The following LSM10 variants were observed in gnomAD, a reference collection of about 807,000 sequenced individuals.
LSM10 encodes U7 snRNA-associated Sm-like protein LSm10.
A neutral mutation model predicts 5.2 loss-of-function variants in LSM10; 4 were observed. That is an observed-to-expected ratio of 0.77 (90% CI 0.38 to 1.77). The LOEUF (loss-of-function observed/expected upper bound fraction) is 1.77. Among genes scored for constraint, LSM10 ranks in the 40% most tolerant of loss-of-function variants. The pLI, the probability that LSM10 is intolerant of heterozygous loss-of-function variation, is 0.04. For missense variants in LSM10, 150 were observed against 171.6 expected (o/e 0.87, Z 0.70); for synonymous variants, 63 against 67.4 (o/e 0.94, Z 0.32).
At position 36,393,454 on chromosome 1, in the gene LSM10, A is replaced by G. The variant is rs1388090367; in HGVS notation, c.*304T>C. 1 of 418,190 alleles carries G rather than the reference A, an allele frequency of 2.4e-6. No individual in the cohort carries two copies. The highest frequency in any genetic ancestry group is 2.0e-5 in the African/African-American group (1 of 50,258). The allele number at this position is 418,190 out of a possible 1,614,324, so 25.9% of individuals were successfully genotyped here. A position where few individuals can be genotyped will look rare whatever the true frequency, so the allele number is the denominator to read the frequency against. On this transcript the variant is annotated 3_prime_UTR_variant, in exon 2 of 2. Coordinates refer to ENST00000315732, the MANE Select transcript of LSM10 (RefSeq NM_032881.3). Reference sequence around the variant, plus strand: ...AGGTGGCTCAGGCTGAGCATGTTTAATTATCCTCACTGGGAGAGTTGAAAA... The same window carrying G: ...AGGTGGCTCAGGCTGAGCATGTTTAGTTATCCTCACTGGGAGAGTTGAAAA...
At position 36,393,828 on chromosome 1, in the gene LSM10, A is replaced by G; in HGVS notation, c.302T>C (p.Ile101Thr). The change falls in exon 2 of 2, where the codon ATC becomes ACC. Residue 101 changes from isoleucine to threonine, a missense_variant. Ile to Thr is a moderately conservative substitution (Grantham distance 89). Transcript: ENST00000315732. ...TSTIEQQLQI[I>T]HRVRNFGGKG... is the part of the protein sequence containing the mutation. The stretch of plus-strand genomic sequence containing the variant: ...GCCACCAAAGTTTCGCACCCGATGG[A>G]TAATCTGCAGCTGCTGCTCAATGGT... 6.2e-7 allele frequency: 1 copy of G among 1,614,216 alleles called. No individual in the cohort carries two copies. Among genetic ancestry groups the G allele is most frequent in the Non-Finnish European group, 8.5e-7 (1 of 1,180,034 alleles).
Position 36,393,962 on chromosome 1 carries a change from T to C in LSM10, c.168A>G (p.Lys56=). The C allele has an allele frequency of 6.2e-7, 1 of 1,614,214 alleles. No homozygotes were observed. The highest frequency in any genetic ancestry group is 8.5e-7 in the Non-Finnish European group (1 of 1,180,038). Residue 56 remains lysine (K), a synonymous_variant, in exon 2 of 2, where the codon AAA becomes AAG. Transcript: ENST00000315732. ...GCCCCCAACGGTCCGTGTAGGTGAC[T>C]TTGGCCAGGCGGATGTTCATGAAAG... ...VDAFMNIRLA[K]VTYTDRWGHQ... is the part of the protein sequence containing the mutation.
intron 1 of LSM10, among the ~76,000 whole-genome samples, chr1:36,394,684 G>A (rs974903673): frequency 5.9e-5 from 9 of 151,942 alleles, no homozygotes; most frequent in Admixed American, 1.3e-4. Context: ...GACAGCGGGC[G>A]CCTGTAGTCC....
At chr1:36,396,253 A>T (rs4653185) in intron 1 of LSM10, among the ~76,000 whole-genome samples, 3 of 138,562 alleles carry the variant, frequency 2.2e-5, no homozygotes, top group Non-Finnish European at 4.6e-5. Context: ...AAAAAAAGAA[A>T]GCTCCCCAGA....
chr1:36,393,714 A>G lies in LSM10; in HGVS notation c.*44T>C, dbSNP rs374678960. 139 of 1,600,930 alleles carry G rather than the reference A, an allele frequency of 8.7e-5. 1 individual carries two copies. The African/African-American group carries it at 1.6e-3, about 18-fold the overall frequency. ...TGAGGGCAGGGAACTAGCTCCGGAG[A>G]TCACTGGAGGACTCCGAGTTGGGGC... On this transcript the variant is annotated 3_prime_UTR_variant, in exon 2 of 2. Transcript: ENST00000315732.
chr1:36,395,813 C>A (rs1255944147), intron 1 of LSM10, among the ~76,000 whole-genome samples: 2 of 151,492 alleles, frequency 1.3e-5, no homozygotes, highest in Non-Finnish European at 2.9e-5. Flanking sequence ...CCGTCTGGCT[C>A]CAAACCTCAC....
chr1:36,394,242 C>A (rs1316842304), intron 1 of LSM10, 89 bp from the exon 2 acceptor site: 3 of 1,241,706 alleles, frequency 2.4e-6, no homozygotes. Flanking sequence ...AACAAAATTC[C>A]CAGCACAGAC....
Position 36,394,092 on chromosome 1 carries a change from G to A in LSM10, c.38C>T (p.Ser13Phe). 3 of 1,613,850 alleles carry A rather than the reference G, an allele frequency of 1.9e-6. No individual in the cohort carries two copies. Among genetic ancestry groups the A allele is most frequent in the Non-Finnish European group, 1.7e-6 (2 of 1,180,018 alleles). Residue 13 changes from serine (S) to phenylalanine (F), a missense_variant, in exon 2 of 2, where the codon TCT (serine) becomes TTT (phenylalanine). Transcript: ENST00000315732. ...VSHSVKERTI[S>F]ENSLIILLQG... ...CAGTAGGATGATCAGGCTGTTCTCAGAGATGGTCCGCTCCTTCACTGAATG... is the reference window on the plus strand; with the variant it reads ...CAGTAGGATGATCAGGCTGTTCTCAAAGATGGTCCGCTCCTTCACTGAATG...
chr1:36,397,012 C>A (rs566322000), intron 1 of LSM10, among the ~76,000 whole-genome samples: 21 of 151,576 alleles, frequency 1.4e-4, no homozygotes, highest in South Asian at 2.1e-4. Context: ...GGGAAAAAAA[C>A]CCCCAACCGG....
intron 1 of LSM10, among the ~76,000 whole-genome samples, chr1:36,397,061 C>G (rs1002101570): frequency 1.3e-5 from 2 of 152,100 alleles, no homozygotes; most frequent in African/African-American, 4.8e-5. Context: ...GTAGAGAAAC[C>G]TAGGTTGGAA....
At chr1:36,396,710 G>A (rs1647160093) in intron 1 of LSM10, among the ~76,000 whole-genome samples, 1 of 152,224 alleles carries the variant, frequency 6.6e-6, no homozygotes, top group Non-Finnish European at 1.5e-5. Context: ...AAGGGCTCAC[G>A]CCTGTAATCC....
rs183927615 is a variant in LSM10 at position 36,397,450 on chromosome 1, A to G, written c.-25+317T>C. Among the ~76,000 whole-genome samples the G allele has an allele frequency of 3.3e-3, 496 of 152,212 alleles. 9 individuals carry two copies. The highest frequency in any genetic ancestry group is 0.028 in the Admixed American group (421 of 15,290). On this transcript the variant is annotated intron_variant, in intron 1 of 1. Transcript: ENST00000315732. Reference sequence around the variant, plus strand: ...AGCCTGATGAATCTGCGATCAAGCAAAGGTATGGGGCTGCTGCTGCGACTG... The same window carrying G: ...AGCCTGATGAATCTGCGATCAAGCAGAGGTATGGGGCTGCTGCTGCGACTG...
chr1:36,393,699 G>T lies in LSM10; in HGVS notation c.*59C>A, dbSNP rs1234611973. The T allele has an allele frequency of 7.6e-6, 12 of 1,588,358 alleles. No homozygotes were observed. In the Admixed American group the frequency reaches 1.9e-4, roughly 25 times the overall value. ...GTACCAGACAGGGTGTGAGGGCAGG[G>T]AACTAGCTCCGGAGATCACTGGAGG... On this transcript the variant is annotated 3_prime_UTR_variant, in exon 2 of 2. Coordinates refer to ENST00000315732, the MANE Select transcript of LSM10 (RefSeq NM_032881.3).
At chr1:36,396,747 G>C (rs1027534290) in intron 1 of LSM10, among the ~76,000 whole-genome samples, 3 of 152,228 alleles carry the variant, frequency 2.0e-5, no homozygotes, top group African/African-American at 7.2e-5. Context: ...CAAGGCGAGT[G>C]GATCACCTGA....
intron 1 of LSM10, among the ~76,000 whole-genome samples, chr1:36,395,784 A>AC (rs1242051320): frequency 1.6e-4 from 24 of 151,368 alleles, no homozygotes; most frequent in Admixed American, 1.5e-3. Flanking sequence ...TCAAAAAAAA[A>AC]AAAAAAGAAA....
rs111709855 is a variant in LSM10, at chr1:36,393,890, G to A, written c.240C>T (p.Arg80=). 13 of 1,614,256 alleles carry A rather than the reference G, an allele frequency of 8.1e-6. No individual in the cohort carries two copies. The African/African-American group carries it at 1.2e-4, about 15-fold the overall frequency. Residue 80 remains arginine, a synonymous_variant, in exon 2 of 2, where the codon CGC becomes CGT. Coordinates refer to ENST00000315732, the MANE Select transcript of LSM10 (RefSeq NM_032881.3). Reference sequence around the variant, plus strand: ...TCACGTCATCTGGGATGTGGACGTAGCGGACATTGCGGCCTGTCACAAAGA... The same window carrying A: ...TCACGTCATCTGGGATGTGGACGTAACGGACATTGCGGCCTGTCACAAAGA... The part of the protein sequence containing the change: ...DDLFVTGRNV[R]YVHIPDDVNI...
intron 1 of LSM10, among the ~76,000 whole-genome samples, chr1:36,394,921 C>T (rs1165579866): frequency 6.6e-6 from 1 of 151,988 alleles, no homozygotes; most frequent in Non-Finnish European, 1.5e-5. Flanking sequence ...GCCTGGCTAA[C>T]ACGGTGAAAC....
chr1:36,396,354 T>C (rs1259800973), intron 1 of LSM10, among the ~76,000 whole-genome samples: 1 of 152,066 alleles, frequency 6.6e-6, no homozygotes, highest in Non-Finnish European at 1.5e-5. Context: ...ACTCCTTCAC[T>C]GAGTGGCTCA....
chr1:36,397,212 C>G (rs1390484730), intron 1 of LSM10, among the ~76,000 whole-genome samples: 1 of 152,204 alleles, frequency 6.6e-6, no homozygotes, highest in East Asian at 1.9e-4. Flanking sequence ...TCAACATGCC[C>G]TGATAATGTA....
Sources: gnomAD v4.1 joint callset for allele counts (sites outside exome capture counted in the v4.1 genomes callset) on GRCh38, gnomAD v4.1.1 for gene constraint, MANE v1.5 for transcripts, NCBI Gene and HGNC (gene_info 2026-07-23, HGNC 2026-07-21) for gene names.